Variants in LRMDA observed in about 807,000 individuals in gnomAD.
The protein encoded by LRMDA is leucine-rich melanocyte differentiation-associated protein.
Under a neutral mutation model 29.8 loss-of-function variants are expected in LRMDA, and 18 were observed. That is an observed-to-expected ratio of 0.60 (90% CI 0.42 to 0.90). The LOEUF is 0.90. Among genes scored for constraint, LRMDA ranks in the 40% least tolerant of loss-of-function variants. The pLI is 0.00. For synonymous variants in LRMDA, 125 were observed against 109.4 expected (o/e 1.14, Z -0.89); for missense variants, 273 against 273.9 (o/e 1.00, Z 0.02).
chr10:76,337,179 A>G (rs1003962885), intron 6 of LRMDA, among the ~76,000 whole-genome samples: 15 of 152,192 alleles, frequency 9.9e-5, no homozygotes, highest in Non-Finnish European at 2.2e-4. Flanking sequence ...AGAGATATCT[A>G]TAGAGCATGT....
chr10:75,651,713 G>A (rs1244345598), intron 2 of LRMDA, among the ~76,000 whole-genome samples: 1 of 152,176 alleles, frequency 6.6e-6, no homozygotes, highest in Non-Finnish European at 1.5e-5. Context: ...GAAGGCATAA[G>A]GACCCAGCCA....
At chr10:75,881,974 G>A (rs1279163367) in intron 2 of LRMDA, among the ~76,000 whole-genome samples, 1 of 152,222 alleles carries the variant, frequency 6.6e-6, no homozygotes, top group East Asian at 1.9e-4. Context: ...TTGTTTGACC[G>A]ATGGAGGTCT....
intron 6 of LRMDA, among the ~76,000 whole-genome samples, chr10:76,485,143 C>T (rs112214928): frequency 1.1e-4 from 17 of 151,852 alleles, no homozygotes; most frequent in African/African-American, 3.6e-4. Context: ...CAGTGATTAC[C>T]GACATAGTTG....
intron 2 of LRMDA, among the ~76,000 whole-genome samples, chr10:75,892,876 C>T (rs905365978): frequency 6.6e-6 from 1 of 152,200 alleles, no homozygotes; most frequent in African/African-American, 2.4e-5. Context: ...CCAAACTGCT[C>T]CTTTGCCTCA....
chr10:76,433,647 A>C (rs1389824341), intron 6 of LRMDA: 1 of 152,054 alleles, frequency 6.6e-6, no homozygotes, highest in Non-Finnish European at 1.5e-5. Context: ...CACTGGGGAA[A>C]CAGAAATAGG....
intron 6 of LRMDA, among the ~76,000 whole-genome samples, chr10:76,356,612 A>G (rs960229201): frequency 1.1e-4 from 17 of 152,298 alleles, no homozygotes; most frequent in Non-Finnish European, 2.2e-4. Context: ...CTTCATTGGA[A>G]AGCTTCGTCT....
At chr10:75,726,985 C>T (rs951331422) in intron 2 of LRMDA, among the ~76,000 whole-genome samples, 1 of 152,224 alleles carries the variant, frequency 6.6e-6, no homozygotes, top group Non-Finnish European at 1.5e-5. Context: ...GAGGCCAGCA[C>T]ATGGTGCCTA....
intron 1 of LRMDA, among the ~76,000 whole-genome samples, chr10:75,432,568 A>G (rs1844212702): frequency 2.0e-5 from 3 of 152,238 alleles, no homozygotes; most frequent in Admixed American, 2.0e-4. Flanking sequence ...CTCTGCTCTG[A>G]TGAAGCCAGA....
At chr10:76,548,653 G>C (rs764077723) in intron 6 of LRMDA, among the ~76,000 whole-genome samples, 175 of 152,148 alleles carry the variant, frequency 1.2e-3, no homozygotes, top group Non-Finnish European at 1.8e-3. Context: ...CCAAAAAAGG[G>C]AGCTCCCAAT....
At chr10:75,981,150 C>T (rs1847163051) in intron 2 of LRMDA, among the ~76,000 whole-genome samples, 1 of 152,210 alleles carries the variant, frequency 6.6e-6, no homozygotes, top group Non-Finnish European at 1.5e-5. Context: ...GTGACTATTT[C>T]ACATGTTACT....
intron 2 of LRMDA, among the ~76,000 whole-genome samples, chr10:75,860,071 C>G (rs748057352): frequency 2.0e-5 from 3 of 152,134 alleles, no homozygotes; most frequent in Non-Finnish European, 4.4e-5. Context: ...ACCAGACTCT[C>G]TATTCTGTTC....
intron 2 of LRMDA, among the ~76,000 whole-genome samples, chr10:75,526,871 AAC>A (rs1232902147): frequency 1.3e-5 from 2 of 151,896 alleles, no homozygotes; most frequent in African/African-American, 4.8e-5. Context: ...AAAAAAAAAA[AAC>A]AAAACATAAT....
At chr10:76,364,557 A>AG in intron 6 of LRMDA, among the ~76,000 whole-genome samples, 1 of 152,214 alleles carries the variant, frequency 6.6e-6, no homozygotes, top group Middle Eastern at 3.4e-3. Context: ...CAGGAGCCTT[A>AG]GGAGCTTGGT....
chr10:76,484,699 T>G (rs915186670), intron 6 of LRMDA, among the ~76,000 whole-genome samples: 1 of 151,990 alleles, frequency 6.6e-6, no homozygotes, highest in Non-Finnish European at 1.5e-5. Flanking sequence ...GTTATCTATA[T>G]AGACAATCAT....
chr10:75,901,505 G>A (rs1463515320), intron 2 of LRMDA, among the ~76,000 whole-genome samples: 1 of 152,114 alleles, frequency 6.6e-6, no homozygotes, highest in East Asian at 1.9e-4. Flanking sequence ...CATCATGACT[G>A]CTTTTCCAAA....
rs74687048 is a variant in LRMDA at position 76,130,696 on chromosome 10, G to T, written c.516+71913G>T. Among the ~76,000 whole-genome samples, 38 of 152,078 alleles carry T rather than the reference G, an allele frequency of 2.5e-4. No homozygotes were observed. The East Asian group carries it at 6.6e-3, about 26-fold the overall frequency. On this transcript the variant is annotated intron_variant, in intron 5 of 6. Transcript: ENST00000611255. ...TTTTATGAGACGAAGTTTCACTCTT[G>T]TTACCCAGGCTGGAGTGCAAAGGTG...
intron 5 of LRMDA, among the ~76,000 whole-genome samples, chr10:76,263,099 AT>A (rs1346766433): frequency 9.9e-5 from 15 of 152,154 alleles, no homozygotes; most frequent in Non-Finnish European, 1.8e-4. Context: ...TTCAAATGCT[AT>A]TTTTAGAAGG....
chr10:76,069,043 C>G (rs971427168), intron 5 of LRMDA, among the ~76,000 whole-genome samples: 2 of 152,256 alleles, frequency 1.3e-5, no homozygotes, highest in African/African-American at 4.8e-5. Flanking sequence ...TCCTCACCAA[C>G]ACCTCTAGAA....
chr10:76,172,894 C>T (rs1454915503), intron 5 of LRMDA, among the ~76,000 whole-genome samples: 1 of 152,114 alleles, frequency 6.6e-6, no homozygotes, highest in Non-Finnish European at 1.5e-5. Flanking sequence ...TAATATCTGG[C>T]ATCAAAGAAA....
Sources: gnomAD v4.1 joint callset for allele counts (sites outside exome capture counted in the v4.1 genomes callset) on GRCh38, gnomAD v4.1.1 for gene constraint, MANE v1.5 for transcripts, NCBI Gene and HGNC (gene_info 2026-07-23, HGNC 2026-07-21) for gene names.